AGBL1: variants seen among roughly 807,000 people sequenced by gnomAD.
The protein encoded by AGBL1 is AGBL carboxypeptidase 1.
A neutral mutation model predicts 118.9 loss-of-function variants in AGBL1; 130 were observed. The ratio of observed to expected loss-of-function variants is 1.09; its 90% confidence interval spans 0.95 to 1.26. The LOEUF is 1.26. Ranked by LOEUF, AGBL1 falls within the 50% of genes most tolerant of loss-of-function variation. The probability of loss-of-function intolerance (pLI) is 0.00; values close to 1 mark genes in which losing one functional copy is unlikely to be tolerated. For missense variants in AGBL1, 1,584 were observed against 1,298.1 expected, an observed-to-expected ratio of 1.22 and a Z score of -3.38; for synonymous variants, 555 against 478.9, an observed-to-expected ratio of 1.16 and a Z score of -2.08.
intron 24 of AGBL1, among the ~76,000 whole-genome samples, chr15:87,026,735 T>A (rs1014688221): frequency 2.0e-5 from 3 of 152,048 alleles, no homozygotes; most frequent in Non-Finnish European, 2.9e-5. Flanking sequence ...TGGACCCAAC[T>A]CAAATGCCCA....
intron 21 of AGBL1, among the ~76,000 whole-genome samples, chr15:86,625,385 G>C (rs2346720): frequency 0.012 from 796 of 68,170 alleles, 85 homozygotes; most frequent in African/African-American, 0.033. Flanking sequence ...TTTTGTTTTT[G>C]TTTTTTTTTT....
intron 6 of AGBL1, among the ~76,000 whole-genome samples, chr15:86,232,191 T>C (rs1196215576): frequency 2.0e-5 from 3 of 152,190 alleles, no homozygotes; most frequent in Non-Finnish European, 4.4e-5. Context: ...CATAAGTCCA[T>C]AGAAGAGCTT....
chr15:86,348,917 T>A (rs555837369), intron 17 of AGBL1, among the ~76,000 whole-genome samples: 3 of 151,774 alleles, frequency 2.0e-5, no homozygotes, highest in African/African-American at 7.3e-5. Flanking sequence ...GAGGAAGAGG[T>A]CTCTGTAGAT....
intron 1 of AGBL1, among the ~76,000 whole-genome samples, chr15:86,135,427 C>T (rs1597440769): frequency 6.6e-6 from 1 of 152,196 alleles, no homozygotes; most frequent in Non-Finnish European, 1.5e-5. Flanking sequence ...AAAACACTGA[C>T]ACATAGTTGG....
chr15:86,110,741 G>T (rs913526110), intron 1 of AGBL1, among the ~76,000 whole-genome samples: 1 of 152,158 alleles, frequency 6.6e-6, no homozygotes, highest in African/African-American at 2.4e-5. Context: ...CAAATTAGGG[G>T]ATGTGTAATG....
At chr15:86,575,629 C>G (rs1179607579) in intron 21 of AGBL1, among the ~76,000 whole-genome samples, 1 of 152,090 alleles carries the variant, frequency 6.6e-6, no homozygotes, top group Non-Finnish European at 1.5e-5. Context: ...CTCTCTGTCA[C>G]CCAGGCTGGA....
At position 86,556,250 on chromosome 15, in the gene AGBL1, A is replaced by G. The variant is rs8027697; in HGVS notation, c.2994+1713A>G. On this transcript the variant is annotated intron_variant, in intron 21 of 22. Transcript: ENST00000614907. ...TACACAGAGGCTGTTGGAGAGGACA[A>G]AGAATGAAAGGGCTCACCCAGTGGA... The G allele has an allele frequency of 2.0e-3, 3,298 of 1,613,454 alleles. 47 individuals carry two copies. The African/African-American group carries it at 0.034, about 17-fold the overall frequency.
intron 3 of AGBL1, among the ~76,000 whole-genome samples, chr15:86,152,668 A>T (rs1401491486): frequency 6.6e-6 from 1 of 152,212 alleles, no homozygotes; most frequent in African/African-American, 2.4e-5. Context: ...AACACATGGG[A>T]TCTAATTAAA....
intron 5 of AGBL1, among the ~76,000 whole-genome samples, chr15:86,186,122 G>A (rs1276637825): frequency 2.0e-5 from 3 of 151,488 alleles, no homozygotes; most frequent in Non-Finnish European, 4.4e-5. Flanking sequence ...CCCAAAATGG[G>A]TTTGAAAATA....
intron 19 of AGBL1, among the ~76,000 whole-genome samples, chr15:86,528,478 T>C (rs553802341): frequency 1.6e-4 from 24 of 151,714 alleles, no homozygotes; most frequent in Non-Finnish European, 2.8e-4. Flanking sequence ...ATCTCGCTGA[T>C]TGCTAGCACA....
chr15:86,814,060 C>G lies in AGBL1; in HGVS notation c.3159-93027C>G, dbSNP rs371083992. 5.3e-5 allele frequency among the ~76,000 whole-genome samples: 8 copies of G among 152,222 alleles called. No homozygotes were observed. The East Asian group carries it at 1.6e-3, about 30-fold the overall frequency. On this transcript the variant is annotated intron_variant, in intron 22 of 22. Coordinates refer to ENST00000614907, the MANE Select transcript of AGBL1 (RefSeq NM_001386094.1). ...GCCGGATGCTTTAGACCGGGGTTCC[C>G]AACCCCTACGCTGTGGACTGGTACC...
chr15:86,216,999 C>T (rs1006616383), intron 5 of AGBL1, among the ~76,000 whole-genome samples: 2 of 152,170 alleles, frequency 1.3e-5, no homozygotes, highest in African/African-American at 4.8e-5. Context: ...CACTTCCTCT[C>T]CATATTTTTA....
intron 22 of AGBL1, among the ~76,000 whole-genome samples, chr15:86,770,697 C>T (rs757497289): frequency 3.9e-5 from 6 of 151,950 alleles, no homozygotes; most frequent in South Asian, 2.1e-4. Flanking sequence ...TAGAGGGTAT[C>T]GTAGGAGCAA....
intron 17 of AGBL1, among the ~76,000 whole-genome samples, chr15:86,314,390 G>A (rs2079966859): frequency 1.3e-5 from 2 of 152,146 alleles, no homozygotes; most frequent in Admixed American, 1.3e-4. Flanking sequence ...CAAGACAGGA[G>A]CTGGGAATGA....
At chr15:86,429,999 A>C (rs376252052) in intron 18 of AGBL1, among the ~76,000 whole-genome samples, 41 of 152,332 alleles carry the variant, frequency 2.7e-4, no homozygotes, top group African/African-American at 9.1e-4. Flanking sequence ...TTCAATTCCA[A>C]CATTTTAGGG....
At chr15:86,601,625 A>G (rs984737990) in intron 21 of AGBL1, among the ~76,000 whole-genome samples, 2 of 152,184 alleles carry the variant, frequency 1.3e-5, no homozygotes, top group African/African-American at 4.8e-5. Context: ...TGCCCAGCCA[A>G]TTAAGACTTA....
At position 86,154,522 on chromosome 15, in the gene AGBL1, C is replaced by T; in HGVS notation, c.355C>T (p.Leu119Phe). ...RKNLSHGQNL[L>F]HCLWALRVFA... Reference sequence around the variant, plus strand: ...GAACCTATCCCATGGCCAGAATCTCCTCCACTGTCTCTGGGCTCTGCGTGT... The same window carrying T: ...GAACCTATCCCATGGCCAGAATCTCTTCCACTGTCTCTGGGCTCTGCGTGT... The change falls in exon 4 of 23, where the codon CTC becomes TTC. Residue 119 changes from leucine to phenylalanine, a missense_variant. Transcript: ENST00000614907. The T allele has an allele frequency of 1.9e-6, 3 of 1,612,774 alleles. No individual in the cohort carries two copies. In the African/African-American group the frequency reaches 4.0e-5, roughly 22 times the overall value.
At position 86,177,833 on chromosome 15, in the gene AGBL1, A is replaced by G. The variant is rs2077501598; in HGVS notation, c.488+18807A>G. ...AGTAGGCACATATCAGAAAAGAAGA[A>G]AGATGGAATCTCTAATCAACAACCT... On this transcript the variant is annotated intron_variant, in intron 5 of 22. Coordinates refer to ENST00000614907, the MANE Select transcript of AGBL1 (RefSeq NM_001386094.1). Among the ~76,000 whole-genome samples the G allele has an allele frequency of 2.0e-5, 3 of 152,216 alleles. No homozygotes were observed. In the South Asian group the frequency reaches 6.2e-4, roughly 32 times the overall value.
chr15:86,700,278 G>A (rs191571481), intron 22 of AGBL1, among the ~76,000 whole-genome samples: 332 of 151,860 alleles, frequency 2.2e-3, no homozygotes, highest in Admixed American at 3.6e-3. Context: ...GTATCCTTTT[G>A]TTATGTCTCC....
Sources: allele counts gnomAD v4.1 joint callset (sites outside exome capture counted in the v4.1 genomes callset), GRCh38; gene constraint gnomAD v4.1.1; transcripts MANE v1.5; gene names NCBI Gene and HGNC (gene_info 2026-07-23, HGNC 2026-07-21).